The following SHTN1 variants were observed in gnomAD, a reference collection of about 807,000 sequenced individuals.
The protein encoded by SHTN1 is shootin 1, also known as shootin-1.
SHTN1 carries 42 observed loss-of-function variants against 83.1 expected under a neutral mutation model. The observed-to-expected ratio is 0.51, with a 90% confidence interval of 0.39 to 0.65. The LOEUF is 0.65. Ranked by LOEUF, SHTN1 falls within the 30% of genes least tolerant of loss-of-function variation. SHTN1 has a pLI of 0.00. For missense variants in SHTN1, 622 were observed against 737.8 expected, an observed-to-expected ratio of 0.84 and a Z score of 1.82; for synonymous variants, 224 against 247.7, an observed-to-expected ratio of 0.90 and a Z score of 0.90.
At chr10:116,905,340 T>G (rs1376294994) in intron 15 of SHTN1, among the ~76,000 whole-genome samples, 1 of 152,080 alleles carries the variant, frequency 6.6e-6, no homozygotes, top group Non-Finnish European at 1.5e-5. Context: ...GGCTGCATAA[T>G]GCTCACAAAA....
At chr10:117,092,468 C>T (rs1853444767) in intron 1 of SHTN1, among the ~76,000 whole-genome samples, 1 of 152,090 alleles carries the variant, frequency 6.6e-6, no homozygotes, top group Non-Finnish European at 1.5e-5. Context: ...TTGAAATGAA[C>T]CAACACACAC....
Position 117,072,128 on chromosome 10 carries a change from A to C in SHTN1, c.-188-23618T>G, listed in dbSNP as rs151266834. Among the ~76,000 whole-genome samples the C allele has an allele frequency of 1.4e-4, 22 of 152,288 alleles. No individual in the cohort carries two copies. The East Asian group carries it at 4.1e-3, about 28-fold the overall frequency. On this transcript the variant is annotated intron_variant, in intron 1 of 17. Transcript: ENST00000392901. ...AGAAAAATTTAGTTCAAATATGCGG[A>C]TGGGAAAAGAATAGACTGGCCTAGC... is the stretch of plus-strand genomic sequence containing the variant.
chr10:117,089,885 T>A (rs192545750), intron 1 of SHTN1, among the ~76,000 whole-genome samples: 1 of 152,206 alleles, frequency 6.6e-6, no homozygotes, highest in African/African-American at 2.4e-5. Context: ...CCCATTAGAA[T>A]GGCTATCAAA....
At chr10:117,098,450 G>A (rs1380524761) in intron 1 of SHTN1, among the ~76,000 whole-genome samples, 1 of 151,240 alleles carries the variant, frequency 6.6e-6, no homozygotes, top group Non-Finnish European at 1.5e-5. Context: ...GATAGCCTGT[G>A]GAATAGGAGA....
intron 12 of SHTN1, among the ~76,000 whole-genome samples, chr10:116,919,609 T>C (rs1193016603): frequency 6.6e-6 from 1 of 152,210 alleles, no homozygotes; most frequent in Non-Finnish European, 1.5e-5. Flanking sequence ...ATTCATTTTA[T>C]TCCAATTTCC....
rs192062974 is a variant in SHTN1, at chr10:116,910,736, A to G, written c.1359+1054T>C. ...GTCATAGGGAGTTCTCCTTAATAGA[A>G]CACTGAATAACAGACTTTTCTGATC... On this transcript the variant is annotated intron_variant, in intron 14 of 16. Coordinates refer to ENST00000355371, the MANE Select transcript of SHTN1 (RefSeq NM_001127211.3). 5.1e-4 allele frequency among the ~76,000 whole-genome samples: 77 copies of G among 152,334 alleles called. 1 individual carries two copies. In the East Asian group the frequency reaches 0.014, roughly 28 times the overall value.
At chr10:116,901,076 G>T in intron 16 of SHTN1, 3 of 985,372 alleles carry the variant, frequency 3.0e-6, no homozygotes, top group Non-Finnish European at 3.6e-6. Flanking sequence ...GATCTGATTT[G>T]TCTCACCTCT....
chr10:117,081,069 A>C (rs1020187977), intron 1 of SHTN1, among the ~76,000 whole-genome samples: 1 of 151,720 alleles, frequency 6.6e-6, no homozygotes, highest in African/African-American at 2.4e-5. Flanking sequence ...TTCCAACACT[A>C]TGTTGAATAG....
chr10:116,970,712 C>CA (rs1203374258), intron 2 of SHTN1, among the ~76,000 whole-genome samples: 3,235 of 67,714 alleles, frequency 0.048, 48 homozygotes, highest in Middle Eastern at 0.083. Context: ...GACTTACTCT[C>CA]AAAAAAAAAA....
chr10:116,904,093 C>G (rs1048588800), intron 15 of SHTN1, among the ~76,000 whole-genome samples: 1 of 152,218 alleles, frequency 6.6e-6, no homozygotes, highest in African/African-American at 2.4e-5. Flanking sequence ...AACTCTCAGG[C>G]TGTCTCTCTT....
intron 1 of SHTN1, among the ~76,000 whole-genome samples, chr10:117,117,035 T>C (rs1054774625): frequency 1.3e-5 from 2 of 152,012 alleles, no homozygotes; most frequent in Non-Finnish European, 2.9e-5. Context: ...TTATTCAACA[T>C]AACACTAGAA....
At chr10:116,899,245 T>G (rs1300991770) in intron 16 of SHTN1, among the ~76,000 whole-genome samples, 5 of 152,002 alleles carry the variant, frequency 3.3e-5, no homozygotes, top group Non-Finnish European at 7.4e-5. Flanking sequence ...AGTTAGAAGG[T>G]GATAACTGCT....
chr10:116,958,609 G>A (rs1388571941), intron 4 of SHTN1, among the ~76,000 whole-genome samples: 1 of 152,148 alleles, frequency 6.6e-6, no homozygotes, highest in African/African-American at 2.4e-5. Context: ...TTATGATGAA[G>A]CCAACCATGG....
rs1386846381 is a variant in SHTN1 at position 116,882,645 on chromosome 10, C to G, written c.*3699G>C. 6.6e-6 allele frequency: 1 copy of G among 152,120 alleles called. No individual in the cohort carries two copies. The highest frequency in any genetic ancestry group is 2.4e-5 in the African/African-American group (1 of 41,450). 9.4% of individuals were successfully genotyped at this position (152,120 alleles called of 1,614,324 possible). ...AGGGGAGTTGGCTAAGTTTAGACTT[C>G]TGACAAATTCTATAATTTTTATTAA... is the stretch of plus-strand genomic sequence containing the variant. On this transcript the variant is annotated 3_prime_UTR_variant, in exon 17 of 17. Transcript: ENST00000355371.
intron 13 of SHTN1, among the ~76,000 whole-genome samples, chr10:116,913,847 G>A (rs1255846709): frequency 1.3e-5 from 2 of 152,162 alleles, no homozygotes; most frequent in African/African-American, 4.8e-5. Context: ...GAAGCTGGGT[G>A]ACAGTGCCAG....
At chr10:117,078,612 G>C (rs962680929) in intron 1 of SHTN1, among the ~76,000 whole-genome samples, 3 of 152,052 alleles carry the variant, frequency 2.0e-5, no homozygotes, top group Non-Finnish European at 4.4e-5. Flanking sequence ...GTCTATTTTT[G>C]GCACCTATGG....
At chr10:116,890,578 C>T (rs950085801) in intron 16 of SHTN1, among the ~76,000 whole-genome samples, 3 of 152,196 alleles carry the variant, frequency 2.0e-5, no homozygotes, top group African/African-American at 7.2e-5. Flanking sequence ...TGCTCAAAGG[C>T]TATTTCAAGA....
At chr10:116,996,463 G>A (rs373276631) in intron 1 of SHTN1, among the ~76,000 whole-genome samples, 27 of 152,058 alleles carry the variant, frequency 1.8e-4, no homozygotes, top group African/African-American at 6.0e-4. Context: ...CTTTTGTATC[G>A]ACAACCTTTA....
At chr10:117,025,943 G>A (rs948366524) in intron 2 of SHTN1, among the ~76,000 whole-genome samples, 2 of 152,190 alleles carry the variant, frequency 1.3e-5, no homozygotes, top group Non-Finnish European at 2.9e-5. Context: ...GGCCTTGGGT[G>A]AGACTCTGAG....
Sources: allele counts gnomAD v4.1 joint callset (sites outside exome capture counted in the v4.1 genomes callset), GRCh38; gene constraint gnomAD v4.1.1; transcripts MANE v1.5; gene names NCBI Gene and HGNC (gene_info 2026-07-23, HGNC 2026-07-21).